CMIP: variants seen among roughly 807,000 people sequenced by gnomAD.
The protein encoded by CMIP is c-Maf inducing protein.
A neutral mutation model predicts 97.3 loss-of-function variants in CMIP; 13 were observed. That is an observed-to-expected ratio of 0.13 (90% CI 0.09 to 0.21). CMIP has a LOEUF of 0.21. Ranked by LOEUF, CMIP falls within the 10% of genes least tolerant of loss-of-function variation. The pLI, the probability that CMIP is intolerant of heterozygous loss-of-function variation, is 1.00. For synonymous variants in CMIP, 538 were observed against 436.3 expected, an observed-to-expected ratio of 1.23 and a Z score of -2.91; for missense variants, 847 against 1,024.9, an observed-to-expected ratio of 0.83 and a Z score of 2.37.
Position 81,699,801 on chromosome 16 carries a change from G to A in CMIP, c.1755G>A (p.Glu585=), listed in dbSNP as rs1388393707. 1 of 1,604,432 alleles carries A rather than the reference G, an allele frequency of 6.2e-7. No individual in the cohort carries two copies. Among genetic ancestry groups the A allele is most frequent in the Non-Finnish European group, 8.5e-7 (1 of 1,172,030 alleles). Residue 585 remains glutamate (E), a splice_region_variant and synonymous_variant, in exon 15 of 21, where the codon GAG becomes GAA. Coordinates refer to ENST00000537098, the MANE Select transcript of CMIP (RefSeq NM_198390.3). ...LALRGNQTMV[E]ILCLMLEYNI... The stretch of plus-strand genomic sequence containing the variant: ...TGAGGGGGAACCAGACCATGGTGGA[G>A]GTAAGGAGCTGGTCGGGGTCCCTGG...
intron 1 of CMIP, among the ~76,000 whole-genome samples, chr16:81,586,702 C>T (rs1240702271): frequency 3.3e-5 from 5 of 152,174 alleles, no homozygotes; most frequent in African/African-American, 4.8e-5. Flanking sequence ...CTGAAGTATT[C>T]GTCCCACTTT....
chr16:81,640,290 C>A (rs942765358), intron 3 of CMIP, among the ~76,000 whole-genome samples: 10 of 150,482 alleles, frequency 6.6e-5, no homozygotes, highest in Admixed American at 2.6e-4. Flanking sequence ...CATCAGGCCC[C>A]CCCCCCCCCA....
At chr16:81,473,529 T>C (rs1368373399) in intron 1 of CMIP, among the ~76,000 whole-genome samples, 1 of 150,812 alleles carries the variant, frequency 6.6e-6, no homozygotes, top group African/African-American at 2.5e-5. Context: ...AACTGGAGAC[T>C]TGGTTGTAGT....
intron 1 of CMIP, among the ~76,000 whole-genome samples, chr16:81,593,303 G>C (rs556250090): frequency 6.6e-6 from 1 of 152,214 alleles, no homozygotes; most frequent in South Asian, 2.1e-4. Context: ...ACCCCTCCTG[G>C]GTCCCCAAGG....
intron 1 of CMIP, among the ~76,000 whole-genome samples, chr16:81,593,190 C>T (rs186700478): frequency 6.6e-6 from 1 of 152,338 alleles, no homozygotes; most frequent in East Asian, 1.9e-4. Flanking sequence ...GAGCCCCAGG[C>T]ACCAGCTCTG....
At chr16:81,595,765 G>C (rs2091545555) in intron 1 of CMIP, among the ~76,000 whole-genome samples, 1 of 152,160 alleles carries the variant, frequency 6.6e-6, no homozygotes, top group Non-Finnish European at 1.5e-5. Flanking sequence ...TGAATGGATA[G>C]ACAACATTTT....
rs2089787936 is a variant in CMIP, at chr16:81,510,364, C to T, written c.300+64823C>T. On this transcript the variant is annotated intron_variant, in intron 1 of 20. Coordinates refer to ENST00000537098, the MANE Select transcript of CMIP (RefSeq NM_198390.3). Reference sequence around the variant, plus strand: ...ATGTTTTTGCTAATAATAATGATGACAATGTCAATAATGGTAGTGTTATTA... The same window carrying T: ...ATGTTTTTGCTAATAATAATGATGATAATGTCAATAATGGTAGTGTTATTA... Among the ~76,000 whole-genome samples the T allele has an allele frequency of 3.3e-5, 5 of 152,164 alleles. No homozygotes were observed. In the South Asian group the frequency reaches 8.3e-4, roughly 25 times the overall value.
chr16:81,596,606 C>A (rs1311090118), intron 1 of CMIP, among the ~76,000 whole-genome samples: 3 of 152,154 alleles, frequency 2.0e-5, no homozygotes, highest in Middle Eastern at 3.4e-3. Flanking sequence ...AAGTGAACAC[C>A]CTGTATCACC....
intron 1 of CMIP, among the ~76,000 whole-genome samples, chr16:81,602,909 G>A (rs1423705993): frequency 2.0e-5 from 3 of 152,144 alleles, no homozygotes; most frequent in Admixed American, 1.3e-4. Flanking sequence ...TAATCCCAGC[G>A]ATAGGAAAGT....
At chr16:81,477,477 A>G (rs1907998309) in intron 1 of CMIP, among the ~76,000 whole-genome samples, 1 of 152,206 alleles carries the variant, frequency 6.6e-6, no homozygotes, top group South Asian at 2.1e-4. Context: ...CTTAAGGGGT[A>G]GATACAGGGC....
chr16:81,445,612 C>G, intron 1 of CMIP, 71 bp downstream of exon 1: 2 of 1,475,054 alleles, frequency 1.4e-6, no homozygotes, highest in South Asian at 2.6e-5. Flanking sequence ...TGGCTGCCCC[C>G]TGGCGCTGCA....
At chr16:81,560,019 G>A (rs1205294965) in intron 1 of CMIP, among the ~76,000 whole-genome samples, 1 of 151,642 alleles carries the variant, frequency 6.6e-6, no homozygotes, top group African/African-American at 2.4e-5. Flanking sequence ...ATAGTGGTGT[G>A]CACCTGTAAT....
chr16:81,693,228 G>A, intron 12 of CMIP, 44 bp downstream of exon 12: 4 of 1,584,400 alleles, frequency 2.5e-6, no homozygotes, highest in Non-Finnish European at 3.5e-6. Flanking sequence ...GGCACGCACG[G>A]CCTCTGTCCT....
At chr16:81,626,775 C>CAG (rs141984782) in intron 3 of CMIP, among the ~76,000 whole-genome samples, 22 of 110,106 alleles carry the variant, frequency 2.0e-4, no homozygotes, top group Admixed American at 3.8e-4. Flanking sequence ...TGTGGAGTGA[C>CAG]AGAGAGAGAG....
chr16:81,633,549 A>C (rs1027824866), intron 3 of CMIP, among the ~76,000 whole-genome samples: 2 of 152,212 alleles, frequency 1.3e-5, no homozygotes, highest in Non-Finnish European at 2.9e-5. Flanking sequence ...ATTGACCGGG[A>C]GATGATGCAG....
intron 3 of CMIP, among the ~76,000 whole-genome samples, chr16:81,650,194 C>G (rs1169166164): frequency 6.6e-6 from 1 of 152,198 alleles, no homozygotes; most frequent in East Asian, 1.9e-4. Flanking sequence ...TCTTCCTGTC[C>G]TCGTAGGGTC....
chr16:81,657,468 T>C (rs1197416884), intron 4 of CMIP, among the ~76,000 whole-genome samples: 1 of 152,192 alleles, frequency 6.6e-6, no homozygotes, highest in Non-Finnish European at 1.5e-5. Context: ...TTGAGGTTAC[T>C]GGAAGCCCTG....
At chr16:81,557,940 C>G (rs577913856) in intron 1 of CMIP, among the ~76,000 whole-genome samples, 3 of 152,302 alleles carry the variant, frequency 2.0e-5, no homozygotes, top group South Asian at 4.1e-4. Flanking sequence ...CTGTTAAACA[C>G]TAACTCCCCA....
intron 1 of CMIP, among the ~76,000 whole-genome samples, chr16:81,489,464 G>GTCA (rs2089371898): frequency 6.6e-6 from 1 of 152,218 alleles, no homozygotes; most frequent in South Asian, 2.1e-4. Context: ...GGGTGCAGGG[G>GTCA]CTTGGGTGAG....
Sources: allele counts gnomAD v4.1 joint callset (sites outside exome capture counted in the v4.1 genomes callset), GRCh38; gene constraint gnomAD v4.1.1; transcripts MANE v1.5; gene names NCBI Gene and HGNC (gene_info 2026-07-23, HGNC 2026-07-21).